ITGA8: variants seen among roughly 807,000 people sequenced by gnomAD.
ITGA8 encodes the protein integrin alpha-8.
ITGA8 carries 91 observed loss-of-function variants against 142.3 expected under a neutral mutation model. That is an observed-to-expected ratio of 0.64 (90% CI 0.54 to 0.76). ITGA8 has a LOEUF of 0.76. Among genes scored for constraint, ITGA8 ranks in the 30% least tolerant of loss-of-function variants. The pLI, the probability that ITGA8 is intolerant of heterozygous loss-of-function variation, is 0.00. For missense variants in ITGA8, 1,406 were observed against 1,327.7 expected (o/e 1.06, Z -0.92); for synonymous variants, 505 against 485.2 (o/e 1.04, Z -0.54).
chr10:15,633,911 T>G (rs1380429397), intron 13 of ITGA8, among the ~76,000 whole-genome samples: 1 of 152,242 alleles, frequency 6.6e-6, no homozygotes, highest in African/African-American at 2.4e-5. Flanking sequence ...TGAATACATA[T>G]GGCCTTCGGC....
chr10:15,555,614 C>T (rs1284186727), intron 26 of ITGA8, among the ~76,000 whole-genome samples: 5 of 152,282 alleles, frequency 3.3e-5, no homozygotes, highest in African/African-American at 1.2e-4. Flanking sequence ...GGCTTTCAAC[C>T]CAGCCAGGAC....
intron 23 of ITGA8, among the ~76,000 whole-genome samples, chr10:15,585,362 G>A (rs527355568): frequency 6.6e-6 from 1 of 152,296 alleles, no homozygotes; most frequent in African/African-American, 2.4e-5. Context: ...TCATTTATAA[G>A]ATGGGCTAAC....
At chr10:15,599,405 C>G (rs1297122675) in intron 20 of ITGA8, among the ~76,000 whole-genome samples, 1 of 152,082 alleles carries the variant, frequency 6.6e-6, no homozygotes, top group African/African-American at 2.4e-5. Flanking sequence ...AATGAGACCC[C>G]TTGTCCTCAC....
intron 15 of ITGA8, among the ~76,000 whole-genome samples, chr10:15,612,989 C>T (rs4748186): frequency 0.67 from 102,001 of 151,838 alleles, 35,472 homozygotes; most frequent in South Asian, 0.86. Flanking sequence ...AGTGAAACCC[C>T]GTCTCTACTA....
chr10:15,647,598 G>A (rs901641758), intron 11 of ITGA8, among the ~76,000 whole-genome samples: 2 of 151,046 alleles, frequency 1.3e-5, no homozygotes, highest in Admixed American at 6.6e-5. Context: ...GAGTAGCTGG[G>A]ACTACAGGCG....
intron 4 of ITGA8, among the ~76,000 whole-genome samples, chr10:15,681,521 C>G (rs1834736900): frequency 6.6e-6 from 1 of 152,140 alleles, no homozygotes; most frequent in Non-Finnish European, 1.5e-5. Flanking sequence ...CATTAGTGTA[C>G]TTTTTAAAAA....
Position 15,517,165 on chromosome 10 carries a change from T to G in ITGA8, c.3185A>C (p.Glu1062Ala). 3.7e-6 allele frequency: 6 copies of G among 1,612,068 alleles called. No individual in the cohort carries two copies. In the South Asian group the frequency reaches 5.5e-5, roughly 15 times the overall value. Reference protein sequence around the residue: ...REQLTNDKTPEA With the variant: ...REQLTNDKTPAA Reference sequence around the variant, plus strand: ...TCTTCTTTTTTTTTCTTGTCATGCCTCAGGGGTCTTGTCATTTGTCAGCTG... The same window carrying G: ...TCTTCTTTTTTTTTCTTGTCATGCCGCAGGGGTCTTGTCATTTGTCAGCTG... The change falls in exon 30 of 30, where the codon GAG becomes GCG. Residue 1062 changes from glutamate (E) to alanine (A), a missense_variant. Transcript: ENST00000378076.
chr10:15,690,532 G>A (rs972279895), intron 2 of ITGA8, among the ~76,000 whole-genome samples: 2 of 152,022 alleles, frequency 1.3e-5, no homozygotes, highest in Non-Finnish European at 2.9e-5. Context: ...TCGTCACAGG[G>A]GCTACAGTAG....
Position 15,719,555 on chromosome 10 carries a change from C to A in ITGA8, c.209+8G>T, listed in dbSNP as rs903769627. On this transcript the variant is annotated splice_region_variant and intron_variant, in intron 1 of 29. Transcript: ENST00000378076. Reference sequence around the variant, plus strand: ...CCCGCGCGCACCTCCCCGGGTCGGGCGACTTACGTGCGGGCGTCGGGTATG... The same window carrying A: ...CCCGCGCGCACCTCCCCGGGTCGGGAGACTTACGTGCGGGCGTCGGGTATG... 1.3e-6 allele frequency: 2 copies of A among 1,553,036 alleles called. No individual in the cohort carries two copies. The highest frequency in any genetic ancestry group is 2.0e-5 in the Admixed American group (1 of 50,360).
At chr10:15,699,436 T>C (rs962448832) in intron 2 of ITGA8, among the ~76,000 whole-genome samples, 1 of 152,226 alleles carries the variant, frequency 6.6e-6, no homozygotes, top group African/African-American at 2.4e-5. Context: ...TATAGAAACA[T>C]AGATGAGTGA....
At chr10:15,706,858 A>C (rs1360436215) in intron 2 of ITGA8, among the ~76,000 whole-genome samples, 1 of 152,216 alleles carries the variant, frequency 6.6e-6, no homozygotes, top group African/African-American at 2.4e-5. Flanking sequence ...CCATGAAGAT[A>C]CTATACCATC....
rs188841115 is a variant in ITGA8 at position 15,696,663 on chromosome 10, A to G, written c.344-8625T>C. On this transcript the variant is annotated intron_variant, in intron 2 of 29. Transcript: ENST00000378076. ...CACCACATATCCTAATTTTATATGT[A>G]TATTTCCTTCTGATCAAAAAATTGT... Among the ~76,000 whole-genome samples the G allele has an allele frequency of 1.6e-4, 24 of 152,236 alleles. No homozygotes were observed. The East Asian group carries it at 4.4e-3, about 28-fold the overall frequency.
chr10:15,652,936 C>T (rs1302149324), intron 11 of ITGA8, among the ~76,000 whole-genome samples: 1 of 152,190 alleles, frequency 6.6e-6, no homozygotes, highest in African/African-American at 2.4e-5. Flanking sequence ...GTACTGCTCA[C>T]CTGGAATCCC....
chr10:15,608,388 T>C, intron 15 of ITGA8, 98 bp from the exon 16 acceptor site: 2 of 673,572 alleles, frequency 3.0e-6, no homozygotes, highest in Non-Finnish European at 5.0e-6. Flanking sequence ...TCATTTTCTC[T>C]ATATATTTCT....
intron 23 of ITGA8, among the ~76,000 whole-genome samples, 191 bp from the exon 24 acceptor site, chr10:15,575,785 G>A (rs970037490): frequency 7.2e-5 from 11 of 152,226 alleles, no homozygotes; most frequent in African/African-American, 2.4e-4. Context: ...ATCTGAAACT[G>A]CTAGTGTAGG....
chr10:15,678,611 G>T, intron 5 of ITGA8, 111 bp downstream of exon 5: 1 of 722,508 alleles, frequency 1.4e-6, no homozygotes, highest in Non-Finnish European at 2.4e-6. Flanking sequence ...TGTTCCTCAA[G>T]ATTCTTTGGT....
In ITGA8 at chr10:15,593,681, C is replaced by T. The variant is rs993674344; in HGVS notation, c.2212-1377G>A. On this transcript the variant is annotated intron_variant, in intron 21 of 29. Coordinates refer to ENST00000378076, the MANE Select transcript of ITGA8 (RefSeq NM_003638.3). ...TCACCAGCCCTTGCCGAATGTGCTTCGAGCTACGTACTGTCCGAATGGCTT... is the reference window on the plus strand; with the variant it reads ...TCACCAGCCCTTGCCGAATGTGCTTTGAGCTACGTACTGTCCGAATGGCTT... Among the ~76,000 whole-genome samples the T allele has an allele frequency of 6.6e-5, 10 of 152,274 alleles. No homozygotes were observed. In the East Asian group the frequency reaches 1.3e-3, roughly 21 times the overall value.
chr10:15,619,701 G>C (rs1163739478), intron 13 of ITGA8, among the ~76,000 whole-genome samples: 1 of 145,004 alleles, frequency 6.9e-6, no homozygotes, highest in Non-Finnish European at 1.5e-5. Flanking sequence ...CTAACAGATT[G>C]GTACTTTTTT....
At chr10:15,702,589 C>A (rs1281998884) in intron 2 of ITGA8, among the ~76,000 whole-genome samples, 5 of 152,134 alleles carry the variant, frequency 3.3e-5, no homozygotes, top group Non-Finnish European at 5.9e-5. Context: ...CCGCGCGTGG[C>A]CCACGTGAAG....
Sources: gnomAD v4.1 joint callset for allele counts (sites outside exome capture counted in the v4.1 genomes callset) on GRCh38, gnomAD v4.1.1 for gene constraint, MANE v1.5 for transcripts, NCBI Gene and HGNC (gene_info 2026-07-23, HGNC 2026-07-21) for gene names.